Variants in HADHB observed in about 807,000 individuals in gnomAD.
The protein encoded by HADHB is hydroxyacyl-CoA dehydrogenase trifunctional multienzyme complex subunit beta.
A neutral mutation model predicts 61.9 loss-of-function variants in HADHB; 50 were observed. The observed-to-expected ratio is 0.81, with a 90% CI of 0.64 to 1.02. HADHB has a LOEUF of 1.02. Ranked by LOEUF, HADHB falls within the 50% of genes least tolerant of loss-of-function variation. The pLI is 0.00. For missense variants in HADHB, 504 were observed against 586.5 expected (o/e 0.86, Z 1.45); for synonymous variants, 191 against 201.6 (o/e 0.95, Z 0.45).
rs765897927 is a variant in HADHB at position 26,263,495 on chromosome 2, T to C, written c.209+16T>C. On this transcript the variant is annotated intron_variant, in intron 4 of 15. Transcript: ENST00000317799. ...CTGGCACTTCGTAAGTATGACATGA[T>C]CATATTATTTTTTTCCTTCTTTTAA... is the stretch of plus-strand genomic sequence containing the variant. 3.4e-6 allele frequency: 5 copies of C among 1,464,014 alleles called. No individual in the cohort carries two copies. The African/African-American group carries it at 6.9e-5, about 20-fold the overall frequency. 90.7% of individuals were successfully genotyped at this position (1,464,014 alleles called of 1,614,324 possible).
At chr2:26,275,085 T>TC (rs1672490616) in intron 6 of HADHB, among the ~76,000 whole-genome samples, 1 of 152,202 alleles carries the variant, frequency 6.6e-6, no homozygotes, top group Non-Finnish European at 1.5e-5. Context: ...CAGGTAATTT[T>TC]TGCAGCATCT....
At chr2:26,262,779 A>G (rs936334750) in intron 3 of HADHB, among the ~76,000 whole-genome samples, 11 of 152,316 alleles carry the variant, frequency 7.2e-5, no homozygotes, top group African/African-American at 2.6e-4. Context: ...GGTTACTTCT[A>G]ATGAAATAGG....
At chr2:26,248,065 T>G (rs1671235275) in intron 1 of HADHB, among the ~76,000 whole-genome samples, 2 of 152,204 alleles carry the variant, frequency 1.3e-5, no homozygotes. Flanking sequence ...TTTCTCTCTT[T>G]CTGTCACAAA....
chr2:26,284,841 A>G (rs1672956701), intron 13 of HADHB, 42 bp from the exon 14 acceptor site: 2 of 959,876 alleles, frequency 2.1e-6, no homozygotes, highest in Non-Finnish European at 1.7e-6. Context: ...GCGTAGAGGA[A>G]CATGAATAAC....
At chr2:26,284,357 C>A (rs1014817689) in intron 13 of HADHB, among the ~76,000 whole-genome samples, 153 bp downstream of exon 13, 1 of 151,800 alleles carries the variant, frequency 6.6e-6, no homozygotes, top group South Asian at 2.1e-4. Flanking sequence ...GGGAGGGGCC[C>A]GAGGGGAGGG....
intron 13 of HADHB, 31 bp downstream of exon 13, chr2:26,284,235 A>T (rs200609158): frequency 9.0e-7 from 1 of 1,111,998 alleles, no homozygotes; most frequent in African/African-American, 1.5e-5. Context: ...ATATGAAGGG[A>T]CTATAGTCAT....
intron 5 of HADHB, among the ~76,000 whole-genome samples, chr2:26,272,806 G>A (rs544305945): frequency 2.0e-4 from 31 of 152,018 alleles, no homozygotes; most frequent in Non-Finnish European, 3.8e-4. Flanking sequence ...ATCTGGGGCC[G>A]GGTATAGTGG....
Position 26,284,910 on chromosome 2 carries a change from A to T in HADHB, c.1177A>T (p.Met393Leu). 1 of 1,598,244 alleles carries T rather than the reference A, an allele frequency of 6.3e-7. No individual in the cohort carries two copies. The highest frequency in any genetic ancestry group is 8.6e-7 in the Non-Finnish European group (1 of 1,165,536). The change falls in exon 14 of 16, where the codon ATG (methionine) becomes TTG (leucine). Residue 393 changes from methionine to leucine, a missense_variant. By Grantham distance (15) the Met-to-Leu change is conservative (BLOSUM62 2). Coordinates refer to ENST00000317799, the MANE Select transcript of HADHB (RefSeq NM_000183.3). ...SGQILANFKA[M>L]DSDWFAENYM... ...TCAGATTTTGGCAAATTTTAAAGCC[A>T]TGGATTCTGATTGGTTTGCAGAAAA...
chr2:26,254,698 C>G, intron 3 of HADHB: 1 of 507,484 alleles, frequency 2.0e-6, no homozygotes. Flanking sequence ...AGGCTGTTTT[C>G]TGGGATTTGA....
chr2:26,272,662 T>A (rs970031370), intron 5 of HADHB, among the ~76,000 whole-genome samples: 3 of 152,076 alleles, frequency 2.0e-5, no homozygotes, highest in African/African-American at 7.2e-5. Flanking sequence ...ATGGTCCCAT[T>A]TGTCTTTGAG....
intron 3 of HADHB, among the ~76,000 whole-genome samples, chr2:26,260,175 G>T (rs1009320646): frequency 5.4e-5 from 8 of 148,570 alleles, no homozygotes; most frequent in African/African-American, 1.7e-4. Flanking sequence ...TCCACCTCCT[G>T]TGTTCAAGCC....
At chr2:26,274,485 G>A (rs920872453) in intron 6 of HADHB, among the ~76,000 whole-genome samples, 1 of 152,164 alleles carries the variant, frequency 6.6e-6, no homozygotes, top group East Asian at 1.9e-4. Flanking sequence ...GAGAGACAAG[G>A]GCACATGAGC....
Position 26,254,455 on chromosome 2 carries a change from C to G in HADHB, c.90C>G (p.Ser30=), listed in dbSNP as rs757653389. 1.7e-5 allele frequency: 27 copies of G among 1,602,168 alleles called. No homozygotes were observed. In the South Asian group the frequency reaches 1.9e-4, roughly 11 times the overall value. The part of the protein sequence containing the change: ...RFSIRPLSCS[S]QLRAAPAVQT... Reference sequence around the variant, plus strand: ...CCATAAGACCTCTGAGCTGTTCCTCCCAGCTACGAGCTGCCCCAGGTACAG... The same window carrying G: ...CCATAAGACCTCTGAGCTGTTCCTCGCAGCTACGAGCTGCCCCAGGTACAG... Residue 30 remains serine (S), a synonymous_variant, in exon 3 of 16, where the codon TCC becomes TCG. Transcript: ENST00000317799.
At chr2:26,281,030 C>T (rs1189797925) in intron 10 of HADHB, among the ~76,000 whole-genome samples, 1 of 152,000 alleles carries the variant, frequency 6.6e-6, no homozygotes, top group African/African-American at 2.4e-5. Context: ...TAACAGGATA[C>T]CTCTTCCAGC....
chr2:26,268,034 A>G (rs1672170390), intron 4 of HADHB, among the ~76,000 whole-genome samples: 1 of 152,028 alleles, frequency 6.6e-6, no homozygotes, highest in African/African-American at 2.4e-5. Flanking sequence ...CCTACCTACA[A>G]GGGAGGCCGA....
chr2:26,276,985 A>G (rs1672553028), intron 6 of HADHB, 88 bp from the exon 7 acceptor site: 2 of 775,404 alleles, frequency 2.6e-6, no homozygotes. Context: ...AACCGTTTCC[A>G]GATGACTATG....
chr2:26,261,304 G>A, intron 3 of HADHB: 1 of 437,498 alleles, frequency 2.3e-6, no homozygotes, highest in Non-Finnish European at 4.1e-6. Flanking sequence ...AGGGGGCTGT[G>A]GGAGAACAGG....
chr2:26,289,147 G>T (rs555932988), intron 15 of HADHB, among the ~76,000 whole-genome samples: 2 of 152,338 alleles, frequency 1.3e-5, no homozygotes. Flanking sequence ...CTACTCGGGA[G>T]GCTGAGGCAG....
chr2:26,264,624 C>T, intron 4 of HADHB, among the ~76,000 whole-genome samples: 1 of 141,640 alleles, frequency 7.1e-6, no homozygotes. Context: ...GAAAGATACA[C>T]ATGTGTGTGT....
Sources: allele counts gnomAD v4.1 joint callset (sites outside exome capture counted in the v4.1 genomes callset), GRCh38; gene constraint gnomAD v4.1.1; transcripts MANE v1.5; gene names NCBI Gene and HGNC (gene_info 2026-07-23, HGNC 2026-07-21).